Variants in PACRG observed in about 807,000 individuals in gnomAD.
The protein encoded by PACRG is parkin coregulated gene protein.
PACRG carries 29 observed loss-of-function variants against 29.7 expected under a neutral mutation model. That is an observed-to-expected ratio of 0.98 (90% CI 0.73 to 1.33). The LOEUF (loss-of-function observed/expected upper bound fraction) is 1.33. Among genes scored for constraint, PACRG ranks in the 40% most tolerant of loss-of-function variants. The pLI, the probability that PACRG is intolerant of heterozygous loss-of-function variation, is 0.00. For missense variants in PACRG, 279 were observed against 316.2 expected, an observed-to-expected ratio of 0.88 and a Z score of 0.89; for synonymous variants, 116 against 118.7, an observed-to-expected ratio of 0.98 and a Z score of 0.15.
intron 1 of PACRG, among the ~76,000 whole-genome samples, chr6:162,793,794 G>A (rs1378375818): frequency 6.6e-6 from 1 of 152,100 alleles, no homozygotes; most frequent in East Asian, 1.9e-4. Flanking sequence ...GTCTGATTAC[G>A]CAGAGAAGGG....
At chr6:162,922,909 C>G (rs1226623786) in intron 2 of PACRG, among the ~76,000 whole-genome samples, 1 of 152,094 alleles carries the variant, frequency 6.6e-6, no homozygotes, top group Non-Finnish European at 1.5e-5. Context: ...ATTTCCTTTC[C>G]TTTGGTTAAA....
chr6:162,766,503 C>A (rs1782804904), intron 1 of PACRG, among the ~76,000 whole-genome samples: 1 of 152,082 alleles, frequency 6.6e-6, no homozygotes, highest in Non-Finnish European at 1.5e-5. Context: ...GTGAATAATT[C>A]TGCAATGAAC....
chr6:163,165,626 C>A, intron 4 of PACRG: 1 of 171,490 alleles, frequency 5.8e-6, no homozygotes, highest in Non-Finnish European at 1.2e-5. Context: ...CGGGTAAGCA[C>A]AGCGCACTAG....
At chr6:163,287,021 T>C (rs1026634601) in intron 4 of PACRG, among the ~76,000 whole-genome samples, 2 of 152,180 alleles carry the variant, frequency 1.3e-5, no homozygotes, top group Non-Finnish European at 2.9e-5. Context: ...TGAATGTGTG[T>C]ATGTGCGTGT....
chr6:162,893,260 T>G (rs115342877), intron 2 of PACRG, among the ~76,000 whole-genome samples: 1 of 152,108 alleles, frequency 6.6e-6, no homozygotes, highest in African/African-American at 2.4e-5. Flanking sequence ...TGGACTGCCA[T>G]TGCCCTTAAC....
At chr6:163,015,108 G>A (rs892317523) in intron 2 of PACRG, among the ~76,000 whole-genome samples, 4 of 151,998 alleles carry the variant, frequency 2.6e-5, no homozygotes, top group Admixed American at 1.3e-4. Flanking sequence ...ATAGGAAGTC[G>A]TCTATTTGTT....
intron 2 of PACRG, among the ~76,000 whole-genome samples, chr6:163,010,930 G>A (rs919452534): frequency 3.3e-5 from 5 of 152,218 alleles, no homozygotes; most frequent in South Asian, 2.1e-4. Flanking sequence ...TTGCTGAGCC[G>A]GGTCCGGGCT....
chr6:163,249,478 A>G (rs1448817642), intron 4 of PACRG, among the ~76,000 whole-genome samples: 1 of 152,222 alleles, frequency 6.6e-6, no homozygotes, highest in East Asian at 1.9e-4. Context: ...AGTTATGAAT[A>G]TGACTGAAAG....
intron 2 of PACRG, among the ~76,000 whole-genome samples, chr6:163,047,493 A>G (rs759614928): frequency 4.6e-5 from 7 of 152,202 alleles, no homozygotes; most frequent in Admixed American, 1.3e-4. Context: ...TATTTATTAC[A>G]CTTGAAAGTA....
intron 2 of PACRG, among the ~76,000 whole-genome samples, chr6:162,983,822 C>T (rs1188571691): frequency 6.6e-6 from 1 of 151,864 alleles, no homozygotes; most frequent in East Asian, 1.9e-4. Flanking sequence ...TTCAGCTGTT[C>T]TTTGAACTTC....
chr6:162,874,149 A>ATATATAT lies in PACRG; in HGVS notation c.291+59868_291+59869insTATATAT, dbSNP rs547779237. ...AAAACATGAGGGAGTTAAAAAAAAA[A>ATATATAT]AAATATATATATATATATGTATATA... On this transcript the variant is annotated intron_variant, in intron 2 of 4. Coordinates refer to ENST00000366888, the MANE Select transcript of PACRG (RefSeq NM_001080379.2). 1.6e-3 allele frequency among the ~76,000 whole-genome samples: 176 copies of ATATATAT among 107,910 alleles called. 3 individuals are homozygous for ATATATAT. The highest frequency in any genetic ancestry group is 0.01 in the East Asian group (35 of 3,350). The allele number at this position is 107,910 out of a possible 152,430, so 70.8% of individuals were successfully genotyped here.
intron 4 of PACRG, among the ~76,000 whole-genome samples, chr6:163,195,410 T>TC (rs1421928025): frequency 6.6e-6 from 1 of 152,172 alleles, no homozygotes; most frequent in Non-Finnish European, 1.5e-5. Context: ...ATGTGGGTTC[T>TC]CCTTACATCA....
intron 4 of PACRG, among the ~76,000 whole-genome samples, chr6:163,222,352 G>T (rs901331888): frequency 1.3e-5 from 2 of 152,154 alleles, no homozygotes; most frequent in Admixed American, 6.5e-5. Flanking sequence ...GGCCGAGGCG[G>T]GTGGATCCCC....
chr6:163,289,874 T>G lies in PACRG; in HGVS notation c.614-24953T>G, dbSNP rs1481463611. Among the ~76,000 whole-genome samples, 4 of 151,430 alleles carry G rather than the reference T, an allele frequency of 2.6e-5. No individual in the cohort carries two copies. In the East Asian group the frequency reaches 7.8e-4, roughly 29 times the overall value. On this transcript the variant is annotated intron_variant, in intron 4 of 4. Coordinates refer to ENST00000366888, the MANE Select transcript of PACRG (RefSeq NM_001080379.2). The stretch of plus-strand genomic sequence containing the variant: ...TATTTTATTTTATTTTGAGGTGGAG[T>G]TTCACTCTTGTTGCCCAGGCTGGAG...
intron 2 of PACRG, among the ~76,000 whole-genome samples, chr6:162,865,977 G>A (rs1792266380): frequency 6.6e-6 from 1 of 152,092 alleles, no homozygotes; most frequent in Non-Finnish European, 1.5e-5. Context: ...AGATACCCAT[G>A]TTTTCTAATG....
chr6:162,829,957 A>G (rs1788608095), intron 2 of PACRG, among the ~76,000 whole-genome samples: 1 of 152,108 alleles, frequency 6.6e-6, no homozygotes, highest in South Asian at 2.1e-4. Flanking sequence ...CCTAACACAA[A>G]ACCAATGTGG....
At chr6:162,749,083 A>G (rs1781316347) in intron 1 of PACRG, among the ~76,000 whole-genome samples, 1 of 151,710 alleles carries the variant, frequency 6.6e-6, no homozygotes, top group African/African-American at 2.4e-5. Context: ...TTTGAGATGC[A>G]TTCATTTGTA....
chr6:162,802,476 C>A (rs755003159), intron 1 of PACRG, among the ~76,000 whole-genome samples: 1 of 152,124 alleles, frequency 6.6e-6, no homozygotes, highest in African/African-American at 2.4e-5. Context: ...AAATCCACTG[C>A]GGTTCCATAA....
intron 1 of PACRG, among the ~76,000 whole-genome samples, chr6:162,762,717 C>T (rs958048066): frequency 7.9e-5 from 12 of 152,130 alleles, no homozygotes; most frequent in African/African-American, 2.4e-4. Flanking sequence ...TATCTTGTTG[C>T]ATGCTAAATA....
Sources: allele counts gnomAD v4.1 joint callset (sites outside exome capture counted in the v4.1 genomes callset), GRCh38; gene constraint gnomAD v4.1.1; transcripts MANE v1.5; gene names NCBI Gene and HGNC (gene_info 2026-07-23, HGNC 2026-07-21).